Variants in PAXBP1 observed in about 807,000 individuals in gnomAD.
PAXBP1 encodes PAX3- and PAX7-binding protein 1.
PAXBP1 carries 44 observed loss-of-function variants against 119.9 expected under a neutral mutation model. The observed-to-expected ratio is 0.37, with a 90% CI of 0.29 to 0.47. The LOEUF (loss-of-function observed/expected upper bound fraction) is 0.47, where lower values mean the gene tolerates loss of function less well. Among genes scored for constraint, PAXBP1 ranks in the 20% least tolerant of loss-of-function variants. PAXBP1 has a pLI of 0.99. For synonymous variants in PAXBP1, 393 were observed against 406.6 expected, an observed-to-expected ratio of 0.97 and a Z score of 0.40; for missense variants, 898 against 1,134.1, an observed-to-expected ratio of 0.79 and a Z score of 2.99.
intron 16 of PAXBP1, 106 bp downstream of exon 16, chr21:32,738,067 T>G: frequency 8.7e-7 from 1 of 1,152,294 alleles, no homozygotes; most frequent in Non-Finnish European, 1.2e-6. Context: ...GCAAGTCCAG[T>G]AATCAAAGGG....
chr21:32,760,907 G>A, intron 5 of PAXBP1, 152 bp downstream of exon 5: 1 of 590,206 alleles, frequency 1.7e-6, no homozygotes, highest in East Asian at 2.8e-5. Flanking sequence ...GCGTGCGTGT[G>A]TGTGTGTGTG....
rs572049973 is a variant in PAXBP1 at position 32,770,495 on chromosome 21, G to C, written c.344-553C>G. ...CTCTCAAACCAAATAAAGAGTAACAGAAATGCCAAAGATAAACTACCTACC... is the reference window on the plus strand; with the variant it reads ...CTCTCAAACCAAATAAAGAGTAACACAAATGCCAAAGATAAACTACCTACC... On this transcript the variant is annotated intron_variant, in intron 1 of 17. Transcript: ENST00000331923. 6.6e-5 allele frequency among the ~76,000 whole-genome samples: 10 copies of C among 152,192 alleles called. No individual in the cohort carries two copies. In the East Asian group the frequency reaches 1.9e-3, roughly 29 times the overall value.
intron 2 of PAXBP1, among the ~76,000 whole-genome samples, 175 bp from the exon 3 acceptor site, chr21:32,764,699 ACT>A (rs1210666642): frequency 1.3e-5 from 2 of 152,198 alleles, no homozygotes; most frequent in Non-Finnish European, 2.9e-5. Context: ...AAAACTCATA[ACT>A]CTTGAGTGTG....
At chr21:32,762,912 A>C (rs1200958698) in intron 3 of PAXBP1, among the ~76,000 whole-genome samples, 2 of 135,570 alleles carry the variant, frequency 1.5e-5, no homozygotes, top group African/African-American at 5.5e-5. Context: ...ACTCCGTCTC[A>C]AAAAAAAAAA....
At chr21:32,762,414 A>C in intron 3 of PAXBP1, 97 bp from the exon 4 acceptor site, 1 of 1,456,002 alleles carries the variant, frequency 6.9e-7, no homozygotes. Context: ...TAGCCTCATC[A>C]CAGTGATGTT....
At position 32,751,131 on chromosome 21, in the gene PAXBP1, C is replaced by T; in HGVS notation, c.1595G>A (p.Arg532Gln). Residue 532 changes from arginine to glutamine, a missense_variant, in exon 9 of 18, where the codon CGG becomes CAG. Arg to Gln is a conservative substitution (Grantham distance 43). Transcript: ENST00000331923. ...QEHAKRRIAE[R>Q]EARRTRRRQA... Reference sequence around the variant, plus strand: ...TTTTGAGAATTACCTCCTGGCCTCCCGCTCTGCAATGCGACGTTTTGCATG... The same window carrying T: ...TTTTGAGAATTACCTCCTGGCCTCCTGCTCTGCAATGCGACGTTTTGCATG... The T allele has an allele frequency of 1.9e-6, 3 of 1,613,756 alleles. No individual in the cohort carries two copies. Among genetic ancestry groups the T allele is most frequent in the Non-Finnish European group, 2.5e-6 (3 of 1,179,658 alleles).
chr21:32,762,246 A>C lies in PAXBP1; in HGVS notation c.721T>G (p.Phe241Val). Residue 241 changes from phenylalanine (F) to valine (V), a missense_variant, in exon 4 of 18, where the codon TTC becomes GTC. Coordinates refer to ENST00000331923, the MANE Select transcript of PAXBP1 (RefSeq NM_016631.4). ...KRQMARELGD[F>V]TPHDNEPGKG... ...CCAGGCTCATTATCATGAGGAGTGA[A>C]ATCTCCCAATTCTCGGGCCATTTGG... 6.2e-7 allele frequency: 1 copy of C among 1,614,150 alleles called. No individual in the cohort carries two copies.
chr21:32,762,048 C>CA, intron 4 of PAXBP1, 48 bp downstream of exon 4: 1 of 1,600,228 alleles, frequency 6.2e-7, no homozygotes. Flanking sequence ...TTAAAACAAA[C>CA]AAAAAAAGGC....
intron 7 of PAXBP1, among the ~76,000 whole-genome samples, chr21:32,757,782 A>G (rs2044067598): frequency 6.6e-6 from 1 of 152,246 alleles, no homozygotes; most frequent in African/African-American, 2.4e-5. Flanking sequence ...AGGTTATGAG[A>G]CCAGCTCCCA....
chr21:32,737,208 G>A lies in PAXBP1; in HGVS notation c.2636+46C>T. 3 of 1,359,922 alleles carry A rather than the reference G, an allele frequency of 2.2e-6. No homozygotes were observed. In the South Asian group the frequency reaches 5.3e-5, roughly 24 times the overall value. 84.2% of individuals were successfully genotyped at this position (1,359,922 alleles called of 1,614,324 possible). On this transcript the variant is annotated intron_variant, in intron 17 of 17. Transcript: ENST00000331923. ...TTAAAACATTTTAATACTAAATCTGGCAACTAAACAACTCTAGATTACCAT... is the reference window on the plus strand; with the variant it reads ...TTAAAACATTTTAATACTAAATCTGACAACTAAACAACTCTAGATTACCAT...
At chr21:32,738,354 AATTAG>A (rs1443426193) in intron 15 of PAXBP1, 35 bp from the exon 16 acceptor site, 1 of 1,528,892 alleles carries the variant, frequency 6.5e-7, no homozygotes, top group Non-Finnish European at 8.8e-7. Flanking sequence ...AATGTGAAAC[AATTAG>A]ATTAGGTACA....
Position 32,734,432 on chromosome 21 carries a change from A to G in PAXBP1, c.*518T>C, listed in dbSNP as rs2043663837. 1 of 155,702 alleles carries G rather than the reference A, an allele frequency of 6.4e-6. No homozygotes were observed. The highest frequency in any genetic ancestry group is 1.9e-4 in the East Asian group (1 of 5,286). The allele number at this position is 155,702 out of a possible 1,614,324, so 9.6% of individuals were successfully genotyped here. The stretch of plus-strand genomic sequence containing the variant: ...ACAACTCAACTCTCAATGTTAAGGC[A>G]GCACAGCTACAGTGATAGCAACGCT... On this transcript the variant is annotated 3_prime_UTR_variant, in exon 18 of 18. Coordinates refer to ENST00000331923, the MANE Select transcript of PAXBP1 (RefSeq NM_016631.4).
Position 32,736,754 on chromosome 21 carries a change from C to T in PAXBP1, c.2636+500G>A, listed in dbSNP as rs551808622. On this transcript the variant is annotated intron_variant, in intron 17 of 17. Coordinates refer to ENST00000331923, the MANE Select transcript of PAXBP1 (RefSeq NM_016631.4). ...ATGCTAGAGATTTATCCCAGAATTA[C>T]CTGAACACCCATAAATTAATGTCCA... 7.1e-4 allele frequency among the ~76,000 whole-genome samples: 108 copies of T among 152,252 alleles called. 1 individual carries two copies. The highest frequency in any genetic ancestry group is 2.6e-3 in the African/African-American group (106 of 41,532).
intron 8 of PAXBP1, among the ~76,000 whole-genome samples, chr21:32,752,516 T>A (rs1274930591): frequency 1.3e-5 from 2 of 152,242 alleles, no homozygotes; most frequent in Non-Finnish European, 2.9e-5. Context: ...CATATTTTTT[T>A]ACTTATCAAT....
chr21:32,750,549 A>G (rs1389184574), intron 10 of PAXBP1, among the ~76,000 whole-genome samples: 1 of 152,164 alleles, frequency 6.6e-6, no homozygotes, highest in Admixed American at 6.5e-5. Flanking sequence ...TGACTCCCCA[A>G]ATCAAGAGTT....
chr21:32,737,966 GATAT>G (rs112423516), intron 16 of PAXBP1, among the ~76,000 whole-genome samples: 1 of 150,258 alleles, frequency 6.7e-6, no homozygotes, highest in African/African-American at 2.4e-5. Flanking sequence ...GATATAGATG[GATAT>G]ATATATATAT....
In PAXBP1 at chr21:32,765,409, T is replaced by G. The variant is rs2044223991; in HGVS notation, c.473-885A>C. ...ATTACTTACAATTAAATAATCCTAA[T>G]ACAGCCTCTGTCCCAGGCAAAAATC... On this transcript the variant is annotated intron_variant, in intron 2 of 17. Coordinates refer to ENST00000331923, the MANE Select transcript of PAXBP1 (RefSeq NM_016631.4). Among the ~76,000 whole-genome samples, 3 of 152,148 alleles carry G rather than the reference T, an allele frequency of 2.0e-5. No individual in the cohort carries two copies. The South Asian group carries it at 6.2e-4, about 32-fold the overall frequency.
rs2044346854 is a variant in PAXBP1 at position 32,771,410 on chromosome 21, T to A, written c.259A>T (p.Asn87Tyr). The A allele has an allele frequency of 1.3e-6, 2 of 1,545,944 alleles. No homozygotes were observed. Residue 87 changes from asparagine to tyrosine, a missense_variant, in exon 1 of 18, where the codon AAC (asparagine) becomes TAC (tyrosine). This residue lies in a region of PAXBP1 where 299 missense variants were observed against 281.4 expected (regional missense o/e 1.06). Transcript: ENST00000331923. ...GGFPGGAEPG[N>Y]GLKPRKRPRE... The stretch of plus-strand genomic sequence containing the variant: ...GGCCTCTTGCGCGGCTTCAGCCCGT[T>A]GCCGGGCTCCGCGCCGCCGGGGAAG...
chr21:32,734,366 T>C lies in PAXBP1; in HGVS notation c.*584A>G, dbSNP rs1227419889. 6.5e-6 allele frequency: 1 copy of C among 152,994 alleles called. No homozygotes were observed. The highest frequency in any genetic ancestry group is 1.9e-4 in the East Asian group (1 of 5,206). 9.5% of individuals were successfully genotyped at this position (152,994 alleles called of 1,614,324 possible). A position where few individuals can be genotyped will look rare whatever the true frequency, so the allele number is the denominator to read the frequency against. On this transcript the variant is annotated 3_prime_UTR_variant, in exon 18 of 18. Coordinates refer to ENST00000331923, the MANE Select transcript of PAXBP1 (RefSeq NM_016631.4). ...AACCCACATTTGACTCTAACGCTGA[T>C]TCAAGGAAGAAAGTTCAACATTCAC... is the stretch of plus-strand genomic sequence containing the variant.
Sources: allele counts gnomAD v4.1 joint callset (sites outside exome capture counted in the v4.1 genomes callset), GRCh38; gene constraint gnomAD v4.1.1; regional missense constraint gnomAD v4.1.1; transcripts MANE v1.5; gene names NCBI Gene and HGNC (gene_info 2026-07-23, HGNC 2026-07-21).